TP73: variants seen among roughly 807,000 people sequenced by gnomAD.
TP73 encodes the protein p53-like transcription factor.
TP73 carries 25 observed loss-of-function variants against 62.5 expected under a neutral mutation model. The observed-to-expected ratio is 0.40, with a 90% CI of 0.29 to 0.56. The LOEUF (loss-of-function observed/expected upper bound fraction) is 0.56, where lower values mean the gene tolerates loss of function less well. Among genes scored for constraint, TP73 ranks in the 20% least tolerant of loss-of-function variants. The pLI, the probability that TP73 is intolerant of heterozygous loss-of-function variation, is 0.46. For missense variants in TP73, 754 were observed against 913.3 expected (o/e 0.83, Z 2.25); for synonymous variants, 423 against 377.5 (o/e 1.12, Z -1.40).
rs528430755 is a variant in TP73 at position 3,731,064 on chromosome 1, A to G, written c.1483A>G (p.Ser495Gly). ...CTACCACGCCGACCCCAGCCTCGTC[A>G]GGTGCGTGGGCTGCCGAGGGCCTGA... is the stretch of plus-strand genomic sequence containing the variant. ...PPYHADPSLVSFLTGLGCPNC... is the reference protein window; with the variant it reads ...PPYHADPSLVGFLTGLGCPNC... Residue 495 changes from serine (S) to glycine (G), a missense_variant and splice_region_variant, in exon 12 of 14, where the codon AGT (serine) becomes GGT (glycine). By Grantham distance (56) the Ser-to-Gly change is moderately conservative. Transcript: ENST00000378295. The G allele has an allele frequency of 5.6e-6, 9 of 1,610,530 alleles. No homozygotes were observed. The highest frequency in any genetic ancestry group is 6.8e-6 in the Non-Finnish European group (8 of 1,178,754).
chr1:3,655,448 C>T (rs1174613437), intron 1 of TP73, among the ~76,000 whole-genome samples: 1 of 152,234 alleles, frequency 6.6e-6, no homozygotes, highest in East Asian at 1.9e-4. Context: ...CATTTTGCGG[C>T]TTGCCTTTGT....
rs187848714 is a variant in TP73, at chr1:3,701,414, C to T, written c.187-6135C>T. Among the ~76,000 whole-genome samples the T allele has an allele frequency of 3.3e-4, 50 of 152,246 alleles. No homozygotes were observed. The highest frequency in any genetic ancestry group is 1.1e-3 in the African/African-American group (47 of 41,534). ...TGGACATTGGTTCCAGGAGGGCTCC[C>T]GGGCGAGAGTCACTTCCGATGAAGT... On this transcript the variant is annotated intron_variant, in intron 3 of 13. Transcript: ENST00000378295. The surrounding 1 kb of genome is among the most constrained non-coding windows in gnomAD (Gnocchi z 4.7).
chr1:3,674,177 C>T (rs1023528188), intron 1 of TP73, among the ~76,000 whole-genome samples: 5 of 152,212 alleles, frequency 3.3e-5, no homozygotes, highest in Non-Finnish European at 5.9e-5. Context: ...CACCCCCACC[C>T]ACGGGGGGTC....
Position 3,654,975 on chromosome 1 carries a change from C to T in TP73, c.-34+2334C>T, listed in dbSNP as rs530472006. Among the ~76,000 whole-genome samples, 3 of 152,362 alleles carry T rather than the reference C, an allele frequency of 2.0e-5. No homozygotes were observed. In the South Asian group the frequency reaches 6.2e-4, roughly 32 times the overall value. The stretch of plus-strand genomic sequence containing the variant: ...GGAGCCGCACACCCACTCCAGAACC[C>T]GGACGAGGCCCTGCCCTTGCCCAGC... On this transcript the variant is annotated intron_variant, in intron 1 of 13. Coordinates refer to ENST00000378295, the MANE Select transcript of TP73 (RefSeq NM_005427.4).
chr1:3,686,775 G>A (rs1480829402), intron 3 of TP73, among the ~76,000 whole-genome samples: 2 of 152,304 alleles, frequency 1.3e-5, no homozygotes, highest in Non-Finnish European at 1.5e-5. Context: ...TCCGAGGCCA[G>A]GTTTGCTGAG....
chr1:3,662,702 G>A lies in TP73; in HGVS notation c.-34+10061G>A, dbSNP rs945422523. Among the ~76,000 whole-genome samples, 2 of 152,212 alleles carry A rather than the reference G, an allele frequency of 1.3e-5. No homozygotes were observed. Among genetic ancestry groups the A allele is most frequent in the Admixed American group, 6.5e-5 (1 of 15,272 alleles). ...CTGCCCCCTCAAGCCATGTTTTGGGGTGGGGTGGCGTGTCCTGAGCCCCAA... is the reference window on the plus strand; with the variant it reads ...CTGCCCCCTCAAGCCATGTTTTGGGATGGGGTGGCGTGTCCTGAGCCCCAA... On this transcript the variant is annotated intron_variant, in intron 1 of 13. Transcript: ENST00000378295. The surrounding 1 kb of genome is among the most constrained non-coding windows in gnomAD (Gnocchi z 4.4).
chr1:3,680,916 C>A (rs1199284776), intron 1 of TP73, among the ~76,000 whole-genome samples: 1 of 152,228 alleles, frequency 6.6e-6, no homozygotes, highest in East Asian at 1.9e-4. Flanking sequence ...TTCTAAGAGC[C>A]CCTGGAGCAT....
chr1:3,697,143 C>A (rs1332629016), intron 3 of TP73, among the ~76,000 whole-genome samples: 1 of 150,508 alleles, frequency 6.6e-6, no homozygotes, highest in Non-Finnish European at 1.5e-5. Context: ...GCCTGGGGCC[C>A]CTGCGGGGCC....
At position 3,682,401 on chromosome 1, in the gene TP73, C is replaced by T. The variant is rs767795847; in HGVS notation, c.36C>T (p.Gly12=). Residue 12 remains glycine (G), a synonymous_variant, in exon 2 of 14, where the codon GGC becomes GGT. Transcript: ENST00000378295. ...CCACCGCCACCTCCCCTGATGGGGGCACCACGTTTGAGCACCTCTGGAGCT... is the reference window on the plus strand; with the variant it reads ...CCACCGCCACCTCCCCTGATGGGGGTACCACGTTTGAGCACCTCTGGAGCT... The part of the protein sequence containing the change: ...AQSTATSPDG[G]TTFEHLWSSL... 5.8e-6 allele frequency: 9 copies of T among 1,562,264 alleles called. No homozygotes were observed. The highest frequency in any genetic ancestry group is 1.4e-5 in the African/African-American group (1 of 73,806).
In TP73 at chr1:3,672,153, G is replaced by C. The variant is rs1167806762; in HGVS notation, c.-33-10180G>C. 6.6e-6 allele frequency among the ~76,000 whole-genome samples: 1 copy of C among 152,132 alleles called. No individual in the cohort carries two copies. The highest frequency in any genetic ancestry group is 6.5e-5 in the Admixed American group (1 of 15,286). On this transcript the variant is annotated intron_variant, in intron 1 of 13. Transcript: ENST00000378295. This position sits in a 1 kb window ranked among gnomAD's most constrained non-coding sequence, Gnocchi z 5.3. Reference sequence around the variant, plus strand: ...AGAAAAGCCCAGAGCCAGGGGTGAGGGGTATGTGTAGGGTGGGGACATCTC... The same window carrying C: ...AGAAAAGCCCAGAGCCAGGGGTGAGCGGTATGTGTAGGGTGGGGACATCTC...
rs370102752 is a variant in TP73, at chr1:3,724,583, T to C, written c.732+1114T>C. On this transcript the variant is annotated intron_variant, in intron 6 of 13. Transcript: ENST00000378295. ...TAGGCCTGCCAGGAAGGCAGAGCTC[T>C]ATCGCCCCCTGGTGGCTGCCGTGTG... Among the ~76,000 whole-genome samples the C allele has an allele frequency of 9.1e-4, 138 of 152,384 alleles. 3 individuals are homozygous for C. In the South Asian group the frequency reaches 0.023, roughly 25 times the overall value.
rs1175823974 is a variant in TP73 at position 3,706,444 on chromosome 1, ACGG to A, written c.187-1104_187-1102del. Among the ~76,000 whole-genome samples, 382 of 110,566 alleles carry A rather than the reference ACGG, an allele frequency of 3.5e-3. 17 individuals are homozygous for A. Among genetic ancestry groups the A allele is most frequent in the African/African-American group, 0.011 (363 of 31,734 alleles). The allele number at this position is 110,566 out of a possible 152,430, so 72.5% of individuals were successfully genotyped here. On this transcript the variant is annotated intron_variant, in intron 3 of 13. Coordinates refer to ENST00000378295, the MANE Select transcript of TP73 (RefSeq NM_005427.4). ...GGGGAGGGGGGTAATAGGGACAATCACGGTGCCCGCCGCAGGCCCGGGGAGAGG... is the reference window on the plus strand; with the variant it reads ...GGGGAGGGGGGTAATAGGGACAATCATGCCCGCCGCAGGCCCGGGGAGAGG...
chr1:3,681,761 G>A (rs1369448278), intron 1 of TP73, among the ~76,000 whole-genome samples: 1 of 152,114 alleles, frequency 6.6e-6, no homozygotes, highest in African/African-American at 2.4e-5. Flanking sequence ...CCAAGATGGG[G>A]TGACCGGGAC....
In TP73 at chr1:3,699,838, C is replaced by T. The variant is rs533717648; in HGVS notation, c.187-7711C>T. On this transcript the variant is annotated intron_variant, in intron 3 of 13. Coordinates refer to ENST00000378295, the MANE Select transcript of TP73 (RefSeq NM_005427.4). This position sits in a 1 kb window ranked among gnomAD's most constrained non-coding sequence, Gnocchi z 4.1. ...AGGATTTCAGCTGACATCCCTACTA[C>T]GCTTTTTCACGTGCCTCCCTCTCTG... 5.9e-4 allele frequency among the ~76,000 whole-genome samples: 90 copies of T among 152,248 alleles called. 1 individual carries two copies. The South Asian group carries it at 0.01, about 17-fold the overall frequency.
At position 3,683,082 on chromosome 1, in the gene TP73, G is replaced by A. The variant is rs1645562446; in HGVS notation, c.88G>A (p.Asp30Asn). 2.5e-6 allele frequency: 4 copies of A among 1,610,610 alleles called. No homozygotes were observed. The highest frequency in any genetic ancestry group is 2.2e-5 in the South Asian group (2 of 90,970). Residue 30 changes from aspartate to asparagine, a missense_variant, in exon 3 of 14, where the codon GAC becomes AAC. By Grantham distance (23) the Asp-to-Asn change is conservative. This residue lies in a region of TP73 where 235 missense variants were observed against 251.4 expected (regional missense o/e 0.93). Transcript: ENST00000378295. ...CAGGGAACCAGACAGCACCTACTTC[G>A]ACCTTCCCCAGTCAAGCCGGGGGAA... ...SSLEPDSTYFDLPQSSRGNNE... is the reference protein window; with the variant it reads ...SSLEPDSTYFNLPQSSRGNNE...
intron 1 of TP73, among the ~76,000 whole-genome samples, chr1:3,674,817 A>G (rs1645327488): frequency 6.6e-6 from 1 of 152,186 alleles, no homozygotes; most frequent in Non-Finnish European, 1.5e-5. Flanking sequence ...CCCTGCAGGA[A>G]TTCCGCTGGG....
intron 3 of TP73, among the ~76,000 whole-genome samples, chr1:3,687,077 G>C (rs1645676516): frequency 1.3e-5 from 2 of 152,318 alleles, no homozygotes; most frequent in Non-Finnish European, 2.9e-5. Flanking sequence ...GCCTTTGCCT[G>C]GCACAGTTCC....
rs766231402 is a variant in TP73, at chr1:3,707,619, C to T, written c.257C>T (p.Thr86Ile). 4 of 1,612,820 alleles carry T rather than the reference C, an allele frequency of 2.5e-6. No individual in the cohort carries two copies. In the South Asian group the frequency reaches 3.3e-5, roughly 13 times the overall value. ...CGCGCGGCCTCGGCCAGCCCCTACA[C>T]CCCAGAGCACGCCGCCAGCGTGCCC... The part of the protein sequence containing the change: ...SSRAASASPY[T>I]PEHAASVPTH... Residue 86 changes from threonine (T) to isoleucine (I), a missense_variant, in exon 4 of 14, where the codon ACC becomes ATC. By Grantham distance (89) the Thr-to-Ile change is moderately conservative (BLOSUM62 -1). Transcript: ENST00000378295.
chr1:3,670,963 G>A lies in TP73; in HGVS notation c.-33-11370G>A, dbSNP rs1645226998. On this transcript the variant is annotated intron_variant, in intron 1 of 13. Coordinates refer to ENST00000378295, the MANE Select transcript of TP73 (RefSeq NM_005427.4). This position sits in a 1 kb window ranked among gnomAD's most constrained non-coding sequence, Gnocchi z 5.9. Reference sequence around the variant, plus strand: ...GCATGTGAATGTCTCTCCATGCGATGGGTGCTGGGAGGGAGGAGCCCTGGC... The same window carrying A: ...GCATGTGAATGTCTCTCCATGCGATAGGTGCTGGGAGGGAGGAGCCCTGGC... Among the ~76,000 whole-genome samples the A allele has an allele frequency of 6.6e-6, 1 of 152,234 alleles. No homozygotes were observed. Among genetic ancestry groups the A allele is most frequent in the Non-Finnish European group, 1.5e-5 (1 of 68,038 alleles).
Sources: gnomAD v4.1 joint callset for allele counts (sites outside exome capture counted in the v4.1 genomes callset) on GRCh38, gnomAD v4.1.1 for gene constraint, gnomAD v4.1.1 regional missense constraint, Gnocchi (gnomAD v3.1) non-coding constraint, MANE v1.5 for transcripts, NCBI Gene and HGNC (gene_info 2026-07-23, HGNC 2026-07-21) for gene names.